The following ARMC2 variants were observed in gnomAD, a reference collection of about 807,000 sequenced individuals.
The protein encoded by ARMC2 is armadillo repeat-containing protein 2.
In ARMC2, 67 loss-of-function variants were observed where a neutral mutation model predicts 90.3. The observed-to-expected ratio is 0.74, with a 90% confidence interval of 0.61 to 0.91. The LOEUF is 0.91. Ranked by LOEUF, ARMC2 falls within the 40% of genes least tolerant of loss-of-function variation. The pLI is 0.00. For synonymous variants in ARMC2, 393 were observed against 393.0 expected (o/e 1.00, Z 0.00); for missense variants, 920 against 1,030.9 (o/e 0.89, Z 1.47).
At chr6:108,891,881 T>C (rs1771072084) in intron 5 of ARMC2, among the ~76,000 whole-genome samples, 1 of 152,216 alleles carries the variant, frequency 6.6e-6, no homozygotes, top group African/African-American at 2.4e-5. Flanking sequence ...TGGTTTTAGG[T>C]CTTATGTTTA....
At chr6:108,886,201 A>C (rs1490378772) in intron 5 of ARMC2, among the ~76,000 whole-genome samples, 1 of 152,202 alleles carries the variant, frequency 6.6e-6, no homozygotes. Context: ...TAAACATTCC[A>C]AATCCTTCTG....
the ARMC2 span, among the ~76,000 whole-genome samples, chr6:108,991,119 G>A: frequency 6.6e-6 from 1 of 151,684 alleles, no homozygotes; most frequent in South Asian, 2.1e-4. Flanking sequence ...TTACACATTG[G>A]CCTTTATGTC....
At chr6:108,854,187 A>G (rs1357618132) in intron 1 of ARMC2, 38 bp from the exon 2 acceptor site, 2 of 1,140,212 alleles carry the variant, frequency 1.8e-6, no homozygotes, top group Non-Finnish European at 2.5e-6. Context: ...AAAGTCCTGG[A>G]CAAAAATAAT....
chr6:108,859,011 G>A (rs1265319815), intron 3 of ARMC2, among the ~76,000 whole-genome samples: 2 of 152,166 alleles, frequency 1.3e-5, no homozygotes, highest in Non-Finnish European at 2.9e-5. Context: ...GGTTAGATCT[G>A]TTTTCTCTGA....
At chr6:108,979,727 T>C in the ARMC2 span, among the ~76,000 whole-genome samples, 1 of 151,948 alleles carries the variant, frequency 6.6e-6, no homozygotes, top group Non-Finnish European at 1.5e-5. Flanking sequence ...GTTTTCTTGC[T>C]TTATTTCATT....
At chr6:108,892,525 C>T (rs4945822) in intron 5 of ARMC2, among the ~76,000 whole-genome samples, 39,556 of 151,658 alleles carry the variant, frequency 0.26, 6,464 homozygotes, top group Non-Finnish European at 0.35. Flanking sequence ...TTTGGGAGGC[C>T]GAGGCAGGCG....
chr6:108,937,838 G>GCA (rs1430485190), intron 12 of ARMC2, among the ~76,000 whole-genome samples: 2 of 152,024 alleles, frequency 1.3e-5, no homozygotes, highest in Admixed American at 1.3e-4. Flanking sequence ...GGGACTACAG[G>GCA]CGTGCCACCA....
intron 3 of ARMC2, 70 bp from the exon 4 acceptor site, chr6:108,868,754 C>T: frequency 1.4e-6 from 2 of 1,465,636 alleles, no homozygotes. Flanking sequence ...AGGGTTGTGG[C>T]CAGCTCTGAG....
chr6:108,973,533 T>G lies in ARMC2; in HGVS notation c.*19T>G, dbSNP rs146899877. On this transcript the variant is annotated 3_prime_UTR_variant, in exon 18 of 18. Transcript: ENST00000392644. ...TTTCTAACATGATGCAGATTAACAG[T>G]AGAAACGAGAACTCACGTCTCCCTC... 1.5e-4 allele frequency: 241 copies of G among 1,588,714 alleles called. 1 individual carries two copies. The East Asian group carries it at 5.1e-3, about 33-fold the overall frequency.
chr6:108,866,988 A>T (rs1775884548), intron 3 of ARMC2, among the ~76,000 whole-genome samples: 1 of 152,132 alleles, frequency 6.6e-6, no homozygotes, highest in Non-Finnish European at 1.5e-5. Flanking sequence ...TATGCGTCAT[A>T]CGTGATAAAT....
At chr6:109,007,785 C>CTT in the ARMC2 span, among the ~76,000 whole-genome samples, 24 of 103,312 alleles carry the variant, frequency 2.3e-4, no homozygotes, top group East Asian at 3.0e-4. Context: ...AGTCCAGGTA[C>CTT]TTTTTTTTTT....
At chr6:108,982,664 C>G in the ARMC2 span, among the ~76,000 whole-genome samples, 1 of 152,120 alleles carries the variant, frequency 6.6e-6, no homozygotes, top group Admixed American at 6.5e-5. Flanking sequence ...ATAGTAGCCA[C>G]CCTGATGAGT....
chr6:108,891,098 C>T (rs112212523), intron 5 of ARMC2, among the ~76,000 whole-genome samples: 2,111 of 152,176 alleles, frequency 0.014, 17 homozygotes, highest in African/African-American at 0.024. Context: ...TTTTTATGGC[C>T]GCATACTATT....
chr6:108,902,331 T>C (rs1772237114), intron 7 of ARMC2, among the ~76,000 whole-genome samples: 1 of 152,232 alleles, frequency 6.6e-6, no homozygotes, highest in Non-Finnish European at 1.5e-5. Context: ...TTCTAACCCC[T>C]TTTTAAAGCT....
chr6:108,884,217 C>T (rs1031227181), intron 5 of ARMC2, among the ~76,000 whole-genome samples: 2 of 152,100 alleles, frequency 1.3e-5, no homozygotes, highest in African/African-American at 2.4e-5. Flanking sequence ...GGACCCTGTC[C>T]ATGAAGAGCT....
chr6:108,910,960 A>G lies in ARMC2; in HGVS notation c.1085A>G (p.Asn362Ser). ...AAACTTATATTTAAAATTAGCAGGA[A>G]TGAGAAGAATGATTCTTTGATTCAA... ...VCKLIFKISR[N>S]EKNDSLIQND... The change falls in exon 9 of 18, where the codon AAT (asparagine) becomes AGT (serine). Residue 362 changes from asparagine (N) to serine (S), a missense_variant. Transcript: ENST00000392644. 1 of 1,584,786 alleles carries G rather than the reference A, an allele frequency of 6.3e-7. No individual in the cohort carries two copies. Among genetic ancestry groups the G allele is most frequent in the Non-Finnish European group, 8.6e-7 (1 of 1,165,364 alleles).
the ARMC2 span, among the ~76,000 whole-genome samples, chr6:108,984,605 C>G: frequency 8.5e-5 from 13 of 152,308 alleles, no homozygotes; most frequent in Middle Eastern, 3.4e-3. Flanking sequence ...GGGGAAGACA[C>G]AAACATTCAG....
chr6:109,029,656 C>T, the ARMC2 span, among the ~76,000 whole-genome samples: 303 of 152,270 alleles, frequency 2.0e-3, 1 homozygote, highest in African/African-American at 7.1e-3. Context: ...CTGTCTTAGC[C>T]TCCCAAGTAG....
chr6:108,871,918 A>G (rs1776457175), intron 4 of ARMC2, among the ~76,000 whole-genome samples: 2 of 152,254 alleles, frequency 1.3e-5, no homozygotes, highest in South Asian at 2.1e-4. Flanking sequence ...GGTCTGGGCC[A>G]GCATTCAGGA....
Sources: gnomAD v4.1 joint callset for allele counts (sites outside exome capture counted in the v4.1 genomes callset) on GRCh38, gnomAD v4.1.1 for gene constraint, MANE v1.5 for transcripts, NCBI Gene and HGNC (gene_info 2026-07-23, HGNC 2026-07-21) for gene names.